The following MYO1H variants were observed in gnomAD, a reference collection of about 807,000 sequenced individuals.
MYO1H encodes myosin IH, also known as unconventional myosin-Ih.
A neutral mutation model predicts 149.3 loss-of-function variants in MYO1H; 118 were observed. The observed-to-expected ratio is 0.79, with a 90% CI of 0.68 to 0.92. The LOEUF (loss-of-function observed/expected upper bound fraction) is 0.92, where lower values mean the gene tolerates loss of function less well. Ranked by LOEUF, MYO1H falls within the 40% of genes least tolerant of loss-of-function variation. The probability of loss-of-function intolerance (pLI) is 0.00; values close to 1 mark genes in which losing one functional copy is unlikely to be tolerated. For missense variants in MYO1H, 1,212 were observed against 1,280.7 expected, an observed-to-expected ratio of 0.95 and a Z score of 0.82; for synonymous variants, 447 against 465.2, an observed-to-expected ratio of 0.96 and a Z score of 0.50.
chr12:109,362,345 C>G (rs1868771969), intron 1 of MYO1H, among the ~76,000 whole-genome samples: 1 of 152,138 alleles, frequency 6.6e-6, no homozygotes, highest in African/African-American at 2.4e-5. Context: ...ATCTGTTTTT[C>G]TTCTGCATTT....
rs189187386 is a variant in MYO1H at position 109,380,499 on chromosome 12, A to G, written c.13-8184A>G. Among the ~76,000 whole-genome samples the G allele has an allele frequency of 1.1e-4, 17 of 152,336 alleles. 1 individual carries two copies. Among genetic ancestry groups the G allele is most frequent in the Admixed American group, 9.8e-4 (15 of 15,298 alleles). ...GTTTACCCTGAGGACAAAGAATTCA[A>G]AAAGTTTTAGATGGTTTTCAGTAAT... On this transcript the variant is annotated intron_variant, in intron 1 of 31. Transcript: ENST00000310903.
chr12:109,415,952 A>ATTTTATTTTAT (rs922957242), intron 15 of MYO1H, among the ~76,000 whole-genome samples: 3 of 143,374 alleles, frequency 2.1e-5, no homozygotes, highest in African/African-American at 7.8e-5. Context: ...ATTTTATTTT[A>ATTTTATTTTAT]TTTATTTTGA....
chr12:109,444,457 A>C (rs777321498), exon 30 of MYO1H: 1 of 1,613,958 alleles, frequency 6.2e-7, no homozygotes, highest in South Asian at 1.1e-5. Context: ...CAGTGTGGAC[A>C]CGTGTTTGAA....
intron 1 of MYO1H, among the ~76,000 whole-genome samples, chr12:109,369,934 A>C (rs1286302921): frequency 6.6e-6 from 1 of 152,210 alleles, no homozygotes; most frequent in Non-Finnish European, 1.5e-5. Flanking sequence ...ACAGAAGGCG[A>C]AAGGCACGTC....
chr12:109,322,893 G>C, the MYO1H span, among the ~76,000 whole-genome samples: 4 of 151,060 alleles, frequency 2.6e-5, no homozygotes, highest in Non-Finnish European at 4.4e-5. Flanking sequence ...CAGATCACGA[G>C]GTCAGGAGAT....
chr12:109,322,819 CAA>C, the MYO1H span, among the ~76,000 whole-genome samples: 7,683 of 77,064 alleles, frequency 0.1, 221 homozygotes, highest in East Asian at 0.21. Context: ...GACTCCGTCT[CAA>C]AAAAAAAAAA....
At chr12:109,368,983 A>G (rs1868927969) in intron 1 of MYO1H, among the ~76,000 whole-genome samples, 1 of 150,708 alleles carries the variant, frequency 6.6e-6, no homozygotes, top group Admixed American at 6.6e-5. Context: ...TGCAAAGGAC[A>G]TGATTTCTTT....
At chr12:109,364,971 A>C (rs1281883728) in intron 1 of MYO1H, among the ~76,000 whole-genome samples, 1 of 152,196 alleles carries the variant, frequency 6.6e-6, no homozygotes, top group Non-Finnish European at 1.5e-5. Flanking sequence ...GATGTTGAGC[A>C]TCAAAAGGCA....
intron 14 of MYO1H, among the ~76,000 whole-genome samples, 178 bp from the exon 15 acceptor site, chr12:109,415,348 G>T (rs1713233837): frequency 6.6e-6 from 1 of 152,114 alleles, no homozygotes; most frequent in South Asian, 2.1e-4. Flanking sequence ...GGTGGCACCT[G>T]CCTGTAATCT....
Position 109,423,873 on chromosome 12 carries a change from T to A in MYO1H, c.1645-875T>A, listed in dbSNP as rs59461076. 7.9e-3 allele frequency among the ~76,000 whole-genome samples: 1,088 copies of A among 136,968 alleles called. 43 individuals carry two copies. The highest frequency in any genetic ancestry group is 0.059 in the East Asian group (308 of 5,184). The allele number at this position is 136,968 out of a possible 152,430, so 89.9% of individuals were successfully genotyped here. A position where few individuals can be genotyped will look rare whatever the true frequency, so the allele number is the denominator to read the frequency against. ...TATTTTTCTGGTAAAGAATTAAATATTTTAAAAAATTAAGGACTTTTGGTG... is the reference window on the plus strand; with the variant it reads ...TATTTTTCTGGTAAAGAATTAAATAATTTAAAAAATTAAGGACTTTTGGTG... On this transcript the variant is annotated intron_variant, in intron 16 of 31. Transcript: ENST00000310903.
intron 12 of MYO1H, 44 bp from the exon 13 acceptor site, chr12:109,410,644 A>G: frequency 7.2e-7 from 1 of 1,386,152 alleles, no homozygotes; most frequent in South Asian, 1.2e-5. Context: ...TTTGATGCTC[A>G]TCTAAATATT....
At chr12:109,409,203 CCTTCTTCTT>C (rs749401546) in intron 10 of MYO1H, among the ~76,000 whole-genome samples, 3 of 140,518 alleles carry the variant, frequency 2.1e-5, no homozygotes, top group Non-Finnish European at 3.2e-5. Flanking sequence ...ATCTCCTTCT[CCTTCTTCTT>C]CTCCTTCTTC....
intron 1 of MYO1H, among the ~76,000 whole-genome samples, chr12:109,358,201 C>T (rs1419117022): frequency 6.6e-6 from 1 of 151,616 alleles, no homozygotes; most frequent in Non-Finnish European, 1.5e-5. Context: ...ATGTAATGTG[C>T]AAATATCAGG....
chr12:109,423,308 G>GC (rs1566037115), intron 16 of MYO1H, among the ~76,000 whole-genome samples: 4 of 152,080 alleles, frequency 2.6e-5, no homozygotes, highest in Non-Finnish European at 2.9e-5. Flanking sequence ...ACAGGCATAT[G>GC]CCACCACACC....
At chr12:109,424,961 GCACCTGTAATCTCA>G (rs1245491074) in intron 17 of MYO1H, 133 bp downstream of exon 17, 2 of 685,464 alleles carry the variant, frequency 2.9e-6, no homozygotes, top group Non-Finnish European at 5.1e-6. Context: ...CTAAATATAT[GCACCTGTAATCTCA>G]CACCTGTAAT....
chr12:109,372,643 T>C (rs980928721), intron 1 of MYO1H, among the ~76,000 whole-genome samples: 1 of 152,106 alleles, frequency 6.6e-6, no homozygotes, highest in Non-Finnish European at 1.5e-5. Context: ...TATGTCATCA[T>C]GTCTTAATTT....
intron 9 of MYO1H, among the ~76,000 whole-genome samples, chr12:109,407,362 C>T (rs1870438566): frequency 6.6e-6 from 1 of 152,054 alleles, no homozygotes; most frequent in Middle Eastern, 3.2e-3. Flanking sequence ...AGCTGTATCT[C>T]GGCAGCCCAG....
At chr12:109,347,757 C>T (rs1008504625), upstream of MYO1H, 7 of 390,336 alleles carry the variant, frequency 1.8e-5, no homozygotes, top group African/African-American at 8.3e-5. Context: ...TGGAGCAGCC[C>T]GGTGTGCCTA....
chr12:109,415,348 G>A (rs1713233837), intron 14 of MYO1H, among the ~76,000 whole-genome samples, 178 bp from the exon 15 acceptor site: 1 of 152,114 alleles, frequency 6.6e-6, no homozygotes, highest in South Asian at 2.1e-4. Context: ...GGTGGCACCT[G>A]CCTGTAATCT....
Sources: allele counts gnomAD v4.1 joint callset (sites outside exome capture counted in the v4.1 genomes callset), GRCh38; gene constraint gnomAD v4.1.1; transcripts MANE v1.5; gene names NCBI Gene and HGNC (gene_info 2026-07-23, HGNC 2026-07-21).